Variants in SLC16A9 observed in about 807,000 individuals in gnomAD.
SLC16A9 encodes the protein monocarboxylate transporter 9.
A neutral mutation model predicts 44.3 loss-of-function variants in SLC16A9; 26 were observed. That is an observed-to-expected ratio of 0.59 (90% CI 0.43 to 0.81). The LOEUF (loss-of-function observed/expected upper bound fraction) is 0.81, where lower values mean the gene tolerates loss of function less well. Among genes scored for constraint, SLC16A9 ranks in the 40% least tolerant of loss-of-function variants. SLC16A9 has a pLI of 0.00. For missense variants in SLC16A9, 559 were observed against 595.8 expected, an observed-to-expected ratio of 0.94 and a Z score of 0.64; for synonymous variants, 230 against 225.1, an observed-to-expected ratio of 1.02 and a Z score of -0.19.
intron 1 of SLC16A9, among the ~76,000 whole-genome samples, chr10:59,706,411 T>A (rs1165037401): frequency 6.6e-6 from 1 of 152,192 alleles, no homozygotes; most frequent in Non-Finnish European, 1.5e-5. Context: ...TAAGTGATAC[T>A]ATCTTGGAAA....
At chr10:59,702,507 T>C (rs1457724000) in intron 1 of SLC16A9, among the ~76,000 whole-genome samples, 1 of 152,206 alleles carries the variant, frequency 6.6e-6, no homozygotes, top group East Asian at 1.9e-4. Flanking sequence ...TGTAGTCAGC[T>C]CAGTCACAGT....
In SLC16A9 at chr10:59,651,914, A is replaced by T. The variant is rs1839209833; in HGVS notation, c.*858T>A. 6.6e-6 allele frequency: 1 copy of T among 152,222 alleles called. No homozygotes were observed. The highest frequency in any genetic ancestry group is 1.5e-5 in the Non-Finnish European group (1 of 68,044). The allele number at this position is 152,222 out of a possible 1,614,324, so 9.4% of individuals were successfully genotyped here. A position where few individuals can be genotyped will look rare whatever the true frequency, so the allele number is the denominator to read the frequency against. On this transcript the variant is annotated 3_prime_UTR_variant, in exon 6 of 6. Transcript: ENST00000395348. Reference sequence around the variant, plus strand: ...TCCCCACTGTGCCCAAAGCAAATGGATGTTTCCCATTTGCCAGAACGGAAT... The same window carrying T: ...TCCCCACTGTGCCCAAAGCAAATGGTTGTTTCCCATTTGCCAGAACGGAAT...
chr10:59,709,180 G>C (rs1175744117), intron 1 of SLC16A9, among the ~76,000 whole-genome samples: 1 of 152,076 alleles, frequency 6.6e-6, no homozygotes, highest in Non-Finnish European at 1.5e-5. Flanking sequence ...GGGGGCCACC[G>C]TACCACCCCC....
intron 4 of SLC16A9, among the ~76,000 whole-genome samples, chr10:59,660,122 C>G (rs1839437682): frequency 1.3e-5 from 2 of 152,160 alleles, no homozygotes; most frequent in Admixed American, 1.3e-4. Context: ...AATTCAAACG[C>G]TAGCATGAGA....
rs1292940850 is a variant in SLC16A9 at position 59,709,534 on chromosome 10, T to C, written c.-92A>G. On this transcript the variant is annotated 5_prime_UTR_variant, in exon 1 of 6. Coordinates refer to ENST00000395348, the MANE Select transcript of SLC16A9 (RefSeq NM_194298.3). ...GCTCAGCACCCGGCTCAGTGCCCCG[T>C]GCGGCCGGGCTGGTGGTGTGGTGGG... The C allele has an allele frequency of 4.6e-5, 7 of 152,338 alleles. No homozygotes were observed. The East Asian group carries it at 1.4e-3, about 30-fold the overall frequency. 9.4% of individuals were successfully genotyped at this position (152,338 alleles called of 1,614,324 possible). A position where few individuals can be genotyped will look rare whatever the true frequency, so the allele number is the denominator to read the frequency against.
chr10:59,678,534 C>CTT (rs1839909825), intron 2 of SLC16A9, among the ~76,000 whole-genome samples: 1 of 12,368 alleles, frequency 8.1e-5, no homozygotes, highest in Non-Finnish European at 2.7e-4. Context: ...TTTTTTTTTT[C>CTT]TTTTTCTTTT....
chr10:59,657,124 G>A (rs1358854221), intron 4 of SLC16A9, among the ~76,000 whole-genome samples: 2 of 152,314 alleles, frequency 1.3e-5, no homozygotes, highest in Admixed American at 6.5e-5. Context: ...GAGCATGGCT[G>A]TGTTATAATA....
intron 4 of SLC16A9, among the ~76,000 whole-genome samples, chr10:59,655,784 GA>G (rs1839336854): frequency 6.6e-6 from 1 of 152,134 alleles, no homozygotes; most frequent in African/African-American, 2.4e-5. Flanking sequence ...AAAATAGTCT[GA>G]AAAGGTTGAT....
At chr10:59,661,665 A>G (rs1032638957) in intron 4 of SLC16A9, among the ~76,000 whole-genome samples, 2 of 152,172 alleles carry the variant, frequency 1.3e-5, no homozygotes, top group Admixed American at 6.5e-5. Context: ...TTTCATATGG[A>G]AGCAAAAAAG....
intron 1 of SLC16A9, among the ~76,000 whole-genome samples, chr10:59,690,365 TCC>T (rs1321157992): frequency 6.6e-6 from 1 of 152,118 alleles, no homozygotes; most frequent in Admixed American, 6.5e-5. Flanking sequence ...GGAAGGTGTG[TCC>T]ACGTGGAAAG....
At chr10:59,709,960 G>C (rs1287620628), upstream of SLC16A9, 1 of 151,974 alleles carries the variant, frequency 6.6e-6, no homozygotes, top group Admixed American at 6.6e-5. Flanking sequence ...CGCTGCTCCC[G>C]GCCCGGCCAG....
chr10:59,674,436 C>G (rs140261715), intron 2 of SLC16A9, among the ~76,000 whole-genome samples: 2 of 152,272 alleles, frequency 1.3e-5, no homozygotes, highest in East Asian at 3.9e-4. Context: ...ATTTTCAGGC[C>G]CTCTTGTGTG....
At chr10:59,682,536 T>C (rs552148616) in intron 2 of SLC16A9, among the ~76,000 whole-genome samples, 27 of 152,336 alleles carry the variant, frequency 1.8e-4, no homozygotes, top group African/African-American at 6.5e-4. Flanking sequence ...TACTCCAACC[T>C]GGACAGACTT....
intron 1 of SLC16A9, among the ~76,000 whole-genome samples, chr10:59,699,443 A>G (rs1840472939): frequency 6.6e-6 from 1 of 152,190 alleles, no homozygotes; most frequent in Non-Finnish European, 1.5e-5. Flanking sequence ...AAAATTTCGC[A>G]TAAGGAATAA....
At chr10:59,666,298 C>CAA (rs35476359) in intron 3 of SLC16A9, among the ~76,000 whole-genome samples, 59 of 101,998 alleles carry the variant, frequency 5.8e-4, no homozygotes, top group Admixed American at 2.5e-3. Context: ...GACTCTGTCT[C>CAA]AAAAAAAAAA....
At chr10:59,702,315 T>C (rs1171937860) in intron 1 of SLC16A9, among the ~76,000 whole-genome samples, 1 of 152,206 alleles carries the variant, frequency 6.6e-6, no homozygotes, top group Non-Finnish European at 1.5e-5. Flanking sequence ...TAACATCGGA[T>C]GACATGGCTG....
chr10:59,675,684 C>T (rs528947074), intron 2 of SLC16A9, among the ~76,000 whole-genome samples: 102 of 152,232 alleles, frequency 6.7e-4, no homozygotes, highest in Admixed American at 1.2e-3. Flanking sequence ...GGAAAACTGC[C>T]CCTACGGAGC....
chr10:59,696,392 G>T (rs1438967491), intron 1 of SLC16A9, among the ~76,000 whole-genome samples: 1 of 152,334 alleles, frequency 6.6e-6, no homozygotes, highest in East Asian at 1.9e-4. Flanking sequence ...AGACGGAGTT[G>T]CGTTCACTCA....
At chr10:59,678,884 G>T (rs1839925404) in intron 2 of SLC16A9, among the ~76,000 whole-genome samples, 1 of 152,082 alleles carries the variant, frequency 6.6e-6, no homozygotes, top group African/African-American at 2.4e-5. Context: ...ACCTGCCAAT[G>T]CAACAGAATC....
Sources: allele counts gnomAD v4.1 joint callset (sites outside exome capture counted in the v4.1 genomes callset), GRCh38; gene constraint gnomAD v4.1.1; transcripts MANE v1.5; gene names NCBI Gene and HGNC (gene_info 2026-07-23, HGNC 2026-07-21).